The following LMX1A variants were observed in gnomAD, a reference collection of about 807,000 sequenced individuals.
LMX1A encodes the protein LIM homeobox transcription factor 1-alpha.
Under a neutral mutation model 49.1 loss-of-function variants are expected in LMX1A, and 15 were observed. That is an observed-to-expected ratio of 0.31 (90% confidence interval 0.20 to 0.47). The LOEUF (loss-of-function observed/expected upper bound fraction) is 0.47. Ranked by LOEUF, LMX1A falls within the 20% of genes least tolerant of loss-of-function variation. LMX1A has a pLI of 1.00. For missense variants in LMX1A, 372 were observed against 475.8 expected (o/e 0.78, Z 2.03); for synonymous variants, 167 against 185.7 (o/e 0.90, Z 0.82).
chr1:165,315,337 T>C (rs1655187327), intron 3 of LMX1A, among the ~76,000 whole-genome samples: 1 of 152,178 alleles, frequency 6.6e-6, no homozygotes, highest in Non-Finnish European at 1.5e-5. Context: ...CGAAAGAATA[T>C]TCAGGAAAAG....
At chr1:165,264,198 C>T (rs187049435) in intron 3 of LMX1A, among the ~76,000 whole-genome samples, 114 of 152,014 alleles carry the variant, frequency 7.5e-4, no homozygotes, top group African/African-American at 2.5e-3. Context: ...CCCACCAGCA[C>T]CCCAACCACA....
At chr1:165,299,798 T>G (rs987714484) in intron 3 of LMX1A, among the ~76,000 whole-genome samples, 10 of 150,274 alleles carry the variant, frequency 6.7e-5, no homozygotes, top group African/African-American at 9.8e-5. Flanking sequence ...AGTAGTAGTA[T>G]TATTTTAGTA....
chr1:165,246,378 T>TTA (rs1652849649), intron 4 of LMX1A, among the ~76,000 whole-genome samples: 1 of 152,218 alleles, frequency 6.6e-6, no homozygotes, highest in African/African-American at 2.4e-5. Flanking sequence ...GAGGCTTTAA[T>TTA]GTCACTTCAT....
At chr1:165,218,160 C>G (rs1207369967) in intron 4 of LMX1A, among the ~76,000 whole-genome samples, 1 of 152,238 alleles carries the variant, frequency 6.6e-6, no homozygotes, top group Non-Finnish European at 1.5e-5. Flanking sequence ...CTAGACCTCT[C>G]CTGACCTCTT....
chr1:165,221,586 G>A (rs1197386658), intron 4 of LMX1A, among the ~76,000 whole-genome samples: 1 of 152,130 alleles, frequency 6.6e-6, no homozygotes, highest in East Asian at 1.9e-4. Flanking sequence ...CTGCAGAGGG[G>A]GGTTTCTGGG....
intron 8 of LMX1A, among the ~76,000 whole-genome samples, chr1:165,204,734 C>T (rs1293893483): frequency 6.6e-6 from 1 of 152,170 alleles, no homozygotes; most frequent in Non-Finnish European, 1.5e-5. Context: ...TGAAAGGACT[C>T]ATCACAGGGA....
At chr1:165,293,042 G>A (rs1047705046) in intron 3 of LMX1A, among the ~76,000 whole-genome samples, 14 of 151,902 alleles carry the variant, frequency 9.2e-5, no homozygotes, top group South Asian at 4.2e-4. Flanking sequence ...GCTTGAACCC[G>A]GGAGGTGGAG....
intron 3 of LMX1A, among the ~76,000 whole-genome samples, chr1:165,270,086 T>C (rs1164886674): frequency 1.3e-5 from 2 of 152,118 alleles, no homozygotes; most frequent in Non-Finnish European, 2.9e-5. Flanking sequence ...ATGTCCTCTA[T>C]CTGTGCTGTC....
At chr1:165,254,192 C>T (rs6426907) in intron 3 of LMX1A, among the ~76,000 whole-genome samples, 5,788 of 152,234 alleles carry the variant, frequency 0.038, 137 homozygotes, top group Middle Eastern at 0.061. Context: ...TAACTTCCAC[C>T]CTGCTAATCT....
At chr1:165,215,309 T>C (rs1026523672) in intron 4 of LMX1A, among the ~76,000 whole-genome samples, 3 of 152,150 alleles carry the variant, frequency 2.0e-5, no homozygotes, top group Non-Finnish European at 4.4e-5. Context: ...GCAAGACTCT[T>C]GTCTCCAAAA....
intron 3 of LMX1A, among the ~76,000 whole-genome samples, chr1:165,307,865 T>G (rs1654965529): frequency 6.6e-6 from 1 of 152,200 alleles, no homozygotes; most frequent in Non-Finnish European, 1.5e-5. Flanking sequence ...TGAAAAACAG[T>G]TCCTGAACAA....
intron 3 of LMX1A, among the ~76,000 whole-genome samples, chr1:165,321,885 T>C (rs1308450414): frequency 6.6e-6 from 1 of 152,062 alleles, no homozygotes; most frequent in Admixed American, 6.6e-5. Context: ...ATCTAGGATA[T>C]ATAAAGAGTG....
intron 3 of LMX1A, among the ~76,000 whole-genome samples, chr1:165,281,664 T>C (rs1654151388): frequency 6.6e-6 from 1 of 152,148 alleles, no homozygotes. Flanking sequence ...TGTGTGCATT[T>C]ATGTGTAAAC....
At chr1:165,254,710 A>G (rs1242990754) in intron 3 of LMX1A, among the ~76,000 whole-genome samples, 1 of 152,134 alleles carries the variant, frequency 6.6e-6, no homozygotes, top group African/African-American at 2.4e-5. Context: ...GTCTCTTCCT[A>G]ATGCTCTGGA....
intron 3 of LMX1A, among the ~76,000 whole-genome samples, chr1:165,263,157 C>A (rs1047374335): frequency 4.6e-5 from 7 of 152,198 alleles, no homozygotes; most frequent in Admixed American, 1.3e-4. Context: ...TATCCAGTCC[C>A]ATTACTTTAA....
At chr1:165,294,595 A>C (rs1654563069) in intron 3 of LMX1A, among the ~76,000 whole-genome samples, 1 of 152,236 alleles carries the variant, frequency 6.6e-6, no homozygotes, top group Non-Finnish European at 1.5e-5. Flanking sequence ...TTATTGCCTA[A>C]GTTTGTTTAT....
At chr1:165,342,621 C>A (rs1656110604) in intron 3 of LMX1A, among the ~76,000 whole-genome samples, 1 of 151,996 alleles carries the variant, frequency 6.6e-6, no homozygotes. Flanking sequence ...GTTTGACAAA[C>A]AAGAGCAATG....
rs115316892 is a variant in LMX1A, at chr1:165,274,446, T to C, written c.264-24806A>G. On this transcript the variant is annotated intron_variant, in intron 3 of 8. Coordinates refer to ENST00000342310, the MANE Select transcript of LMX1A (RefSeq NM_177398.4). ...GGTACTTAATAAATGTTGGTCAGAT[T>C]GATTTAGATTGGATTGAATTGAACT... 4.3e-3 allele frequency among the ~76,000 whole-genome samples: 657 copies of C among 152,338 alleles called. 5 individuals carry two copies. Among genetic ancestry groups the C allele is most frequent in the African/African-American group, 0.015 (603 of 41,580 alleles).
chr1:165,299,440 C>A (rs1654712181), intron 3 of LMX1A, among the ~76,000 whole-genome samples: 1 of 152,162 alleles, frequency 6.6e-6, no homozygotes, highest in African/African-American at 2.4e-5. Context: ...TCCTGGAAAG[C>A]CCTTAATACC....
Sources: allele counts gnomAD v4.1 joint callset (sites outside exome capture counted in the v4.1 genomes callset), GRCh38; gene constraint gnomAD v4.1.1; transcripts MANE v1.5; gene names NCBI Gene and HGNC (gene_info 2026-07-23, HGNC 2026-07-21).